Variants in NCAM1 observed in about 807,000 individuals in gnomAD.
NCAM1 encodes the protein antigen recognized by monoclonal antibody 5.1H11.
A neutral mutation model predicts 109.8 loss-of-function variants in NCAM1; 14 were observed. That is an observed-to-expected ratio of 0.13 (90% CI 0.08 to 0.20). The LOEUF (loss-of-function observed/expected upper bound fraction) is 0.20. Ranked by LOEUF, NCAM1 falls within the 10% of genes least tolerant of loss-of-function variation. The probability of loss-of-function intolerance (pLI) is 1.00; values close to 1 mark genes in which losing one functional copy is unlikely to be tolerated. For missense variants in NCAM1, 774 were observed against 1,109.9 expected (o/e 0.70, Z 4.30); for synonymous variants, 418 against 442.9 (o/e 0.94, Z 0.70).
chr11:113,173,591 G>GATATATATATATATATATCT (rs1943055287), intron 1 of NCAM1, among the ~76,000 whole-genome samples: 1 of 126,742 alleles, frequency 7.9e-6, no homozygotes, highest in African/African-American at 2.9e-5. Context: ...CATGTTACCT[G>GATATATATATATATATATCT]ATATATATAT....
intron 1 of NCAM1, among the ~76,000 whole-genome samples, chr11:113,187,682 G>A (rs572581819): frequency 3.3e-5 from 5 of 152,098 alleles, no homozygotes; most frequent in Non-Finnish European, 5.9e-5. Context: ...GTGAAGCTAT[G>A]TGTAGACCCC....
chr11:113,034,143 C>G (rs1414336666), intron 1 of NCAM1, among the ~76,000 whole-genome samples: 3 of 152,176 alleles, frequency 2.0e-5, no homozygotes, highest in Non-Finnish European at 4.4e-5. Context: ...GAGGCCACAG[C>G]TTAACTCACT....
At chr11:113,010,290 ACT>A (rs1227789516) in intron 1 of NCAM1, among the ~76,000 whole-genome samples, 6 of 152,174 alleles carry the variant, frequency 3.9e-5, no homozygotes, top group African/African-American at 1.4e-4. Flanking sequence ...TTAAAAAATA[ACT>A]CTATACTTGA....
intron 1 of NCAM1, among the ~76,000 whole-genome samples, chr11:113,143,864 T>A (rs1941921016): frequency 1.3e-5 from 2 of 152,196 alleles, no homozygotes; most frequent in South Asian, 4.1e-4. Flanking sequence ...TTCGTTGCGC[T>A]GTGGAAGTAG....
At chr11:112,970,331 A>G (rs1950844328) in intron 1 of NCAM1, among the ~76,000 whole-genome samples, 1 of 152,188 alleles carries the variant, frequency 6.6e-6, no homozygotes, top group African/African-American at 2.4e-5. Context: ...TGCAGCACTA[A>G]AAGGGAATTC....
chr11:113,075,361 C>T lies in NCAM1; in HGVS notation c.52+113697C>T, dbSNP rs565620158. 2.7e-3 allele frequency among the ~76,000 whole-genome samples: 418 copies of T among 152,260 alleles called. 1 individual carries two copies. The highest frequency in any genetic ancestry group is 9.6e-3 in the African/African-American group (399 of 41,554). On this transcript the variant is annotated intron_variant, in intron 1 of 19. Transcript: ENST00000316851. Reference sequence around the variant, plus strand: ...CTGAGATTACAGGTGTGAACTACTGCACCTGGTCCTGATTATAAACCCTCT... The same window carrying T: ...CTGAGATTACAGGTGTGAACTACTGTACCTGGTCCTGATTATAAACCCTCT...
At chr11:113,044,473 T>A (rs1321404615) in intron 1 of NCAM1, among the ~76,000 whole-genome samples, 1 of 151,668 alleles carries the variant, frequency 6.6e-6, no homozygotes, top group African/African-American at 2.4e-5. Flanking sequence ...TCACTTGAGG[T>A]CAAGAGTTCG....
At chr11:113,048,497 A>G (rs1346377937) in intron 1 of NCAM1, among the ~76,000 whole-genome samples, 1 of 152,220 alleles carries the variant, frequency 6.6e-6, no homozygotes, top group East Asian at 1.9e-4. Flanking sequence ...CCTTGTGGAC[A>G]CGGATGTCAG....
intron 1 of NCAM1, among the ~76,000 whole-genome samples, chr11:113,198,180 G>A (rs960654879): frequency 1.3e-5 from 2 of 152,174 alleles, no homozygotes; most frequent in Admixed American, 1.3e-4. Flanking sequence ...GGATAGAATA[G>A]TGTGGGAGAA....
chr11:113,267,837 C>A (rs1555124624), intron 17 of NCAM1, among the ~76,000 whole-genome samples: 16 of 152,222 alleles, frequency 1.1e-4, no homozygotes. Context: ...CTGCTGTCCT[C>A]TCAAGCACAT....
intron 9 of NCAM1, among the ~76,000 whole-genome samples, chr11:113,229,548 A>G (rs1340759984): frequency 2.0e-5 from 3 of 152,216 alleles, no homozygotes; most frequent in Non-Finnish European, 4.4e-5. Flanking sequence ...ATCTAGAACT[A>G]GAAATACCAT....
At chr11:113,016,974 G>A (rs1164662438) in intron 1 of NCAM1, among the ~76,000 whole-genome samples, 5 of 152,162 alleles carry the variant, frequency 3.3e-5, no homozygotes, top group Non-Finnish European at 7.3e-5. Context: ...GCTTCCAACC[G>A]ATGTTTGCAT....
intron 1 of NCAM1, among the ~76,000 whole-genome samples, chr11:113,021,559 C>G (rs1408778205): frequency 6.6e-6 from 1 of 152,068 alleles, no homozygotes; most frequent in Non-Finnish European, 1.5e-5. Flanking sequence ...TTGGTAATTC[C>G]TGTGGATTTT....
intron 14 of NCAM1, among the ~76,000 whole-genome samples, chr11:113,236,649 AATAACACGCT>A (rs1172601609): frequency 6.6e-6 from 1 of 152,240 alleles, no homozygotes; most frequent in Non-Finnish European, 1.5e-5. Flanking sequence ...ATGGGCCCTG[AATAACACGCT>A]ATAGCCCCGC....
intron 9 of NCAM1, 21 bp from the exon 10 acceptor site, chr11:113,231,624 C>CA: frequency 8.7e-6 from 14 of 1,608,336 alleles, no homozygotes; most frequent in South Asian, 1.1e-5. Context: ...GACATGCTCC[C>CA]TTCCCCCCCA....
intron 14 of NCAM1, among the ~76,000 whole-genome samples, chr11:113,245,831 T>A (rs1248072108): frequency 4.6e-5 from 7 of 152,242 alleles, no homozygotes; most frequent in Admixed American, 6.5e-5. Context: ...ACCTTAAGAC[T>A]CTCGGGACTT....
chr11:113,102,221 A>G (rs1939908220), intron 1 of NCAM1, among the ~76,000 whole-genome samples: 1 of 152,158 alleles, frequency 6.6e-6, no homozygotes, highest in African/African-American at 2.4e-5. Flanking sequence ...GGATTTTTTA[A>G]TGAAATATAA....
chr11:113,275,321 G>A lies in NCAM1; in HGVS notation c.2511G>A (p.Ala837=), dbSNP rs1316000059. ...PECQETETKP[A]PAEVKTVPND... ...GCCAGGAGACAGAAACGAAGCCAGC[G>A]CCAGCCGAAGTCAAGACGGTCCCCA... Residue 837 remains alanine, a synonymous_variant, in exon 20 of 20, where the codon GCG becomes GCA. Transcript: ENST00000316851. 3 of 1,613,554 alleles carry A rather than the reference G, an allele frequency of 1.9e-6. No homozygotes were observed. The highest frequency in any genetic ancestry group is 2.2e-5 in the East Asian group (1 of 44,874).
intron 1 of NCAM1, among the ~76,000 whole-genome samples, chr11:112,982,531 CA>C (rs880000639): frequency 6.6e-6 from 1 of 151,634 alleles, no homozygotes; most frequent in Non-Finnish European, 1.5e-5. Context: ...AACCAGTAGT[CA>C]GGGGGTAGGA....
Sources: allele counts gnomAD v4.1 joint callset (sites outside exome capture counted in the v4.1 genomes callset), GRCh38; gene constraint gnomAD v4.1.1; transcripts MANE v1.5; gene names NCBI Gene and HGNC (gene_info 2026-07-23, HGNC 2026-07-21).